NDUFA10: variants seen among roughly 807,000 people sequenced by gnomAD.
NDUFA10 encodes the protein NADH:ubiquinone oxidoreductase subunit A10, also known as NADH dehydrogenase [ubiquinone] 1 alpha subcomplex subunit 10, mitochondrial.
Under a neutral mutation model 47.8 loss-of-function variants are expected in NDUFA10, and 40 were observed. The ratio of observed to expected loss-of-function variants is 0.84; its 90% CI spans 0.65 to 1.09. NDUFA10 has a LOEUF of 1.09. NDUFA10 is among the 50% of genes least tolerant of loss of function. NDUFA10 has a pLI of 0.00. For missense variants in NDUFA10, 413 were observed against 451.1 expected (o/e 0.92, Z 0.76); for synonymous variants, 183 against 172.2 (o/e 1.06, Z -0.49).
In NDUFA10 at chr2:239,978,719, C is replaced by A. The variant is rs542752055; in HGVS notation, c.999+11355G>T. ...ATTTAATTAAATGTTATGAAAACTA[C>A]GCGTCTGAAAAGGAAGAGCTGCTGT... On this transcript the variant is annotated intron_variant, in intron 9 of 9. Coordinates refer to ENST00000252711, the MANE Select transcript of NDUFA10 (RefSeq NM_004544.4). Among the ~76,000 whole-genome samples, 14 of 152,264 alleles carry A rather than the reference C, an allele frequency of 9.2e-5. No individual in the cohort carries two copies. The South Asian group carries it at 2.9e-3, about 32-fold the overall frequency.
At chr2:239,969,338 C>T (rs1159499947) in intron 9 of NDUFA10, 2 of 172,282 alleles carry the variant, frequency 1.2e-5, no homozygotes, top group Non-Finnish European at 2.5e-5. Context: ...TCCTAAAACA[C>T]AATTCTATTG....
intron 4 of NDUFA10, among the ~76,000 whole-genome samples, chr2:239,943,382 T>C (rs1294344179): frequency 6.6e-6 from 1 of 152,212 alleles, no homozygotes; most frequent in Non-Finnish European, 1.5e-5. Context: ...ACAGGCTGGA[T>C]GGAGTGCAGT....
chr2:239,971,703 G>A (rs1695311928), intron 9 of NDUFA10, among the ~76,000 whole-genome samples: 1 of 152,146 alleles, frequency 6.6e-6, no homozygotes, highest in South Asian at 2.1e-4. Flanking sequence ...GCTGAAAGTG[G>A]AGCCCCGATC....
chr2:239,981,030 G>T (rs1280664820), intron 9 of NDUFA10, among the ~76,000 whole-genome samples: 1 of 152,228 alleles, frequency 6.6e-6, no homozygotes, highest in East Asian at 1.9e-4. Flanking sequence ...AGCAACAAAG[G>T]TGCCATCAAT....
intron 4 of NDUFA10, among the ~76,000 whole-genome samples, chr2:239,913,674 T>C (rs889180163): frequency 6.6e-6 from 1 of 152,228 alleles, no homozygotes; most frequent in Admixed American, 6.5e-5. Context: ...CTCCTGTTGC[T>C]GTAACACTAC....
chr2:239,949,972 C>T (rs1181205311), intron 4 of NDUFA10, among the ~76,000 whole-genome samples: 1 of 152,180 alleles, frequency 6.6e-6, no homozygotes, highest in Non-Finnish European at 1.5e-5. Flanking sequence ...TGAACCTGGA[C>T]TCACCACATT....
At chr2:240,002,170 A>T (rs2106464954) in intron 8 of NDUFA10, among the ~76,000 whole-genome samples, 1 of 152,164 alleles carries the variant, frequency 6.6e-6, no homozygotes, top group Admixed American at 6.5e-5. Context: ...TCTCTACTAA[A>T]AATACAAAAA....
chr2:239,953,034 G>A (rs1473892362), downstream of NDUFA10, among the ~76,000 whole-genome samples: 1 of 152,218 alleles, frequency 6.6e-6, no homozygotes, highest in Non-Finnish European at 1.5e-5. Flanking sequence ...CCCAAGGTGG[G>A]GACTGTGGTG....
At chr2:239,963,478 C>G (rs187102687) in intron 9 of NDUFA10, among the ~76,000 whole-genome samples, 6 of 152,172 alleles carry the variant, frequency 3.9e-5, no homozygotes, top group African/African-American at 1.4e-4. Context: ...CTGTGTCAGA[C>G]GGGCTGTAGG....
chr2:239,947,739 C>G (rs759807655), intron 4 of NDUFA10, among the ~76,000 whole-genome samples: 45 of 152,224 alleles, frequency 3.0e-4, no homozygotes, highest in Admixed American at 1.3e-4. Context: ...CAGGCCAGCC[C>G]AGCTCTTGTT....
Position 239,905,826 on chromosome 2 carries a change from G to C in NDUFA10, c.295-10512C>G, listed in dbSNP as rs572527865. Among the ~76,000 whole-genome samples the C allele has an allele frequency of 3.7e-3, 454 of 123,000 alleles. 2 individuals are homozygous for C. The highest frequency in any genetic ancestry group is 6.2e-3 in the Non-Finnish European group (355 of 57,566). The allele number at this position is 123,000 out of a possible 152,430, so 80.7% of individuals were successfully genotyped here. A position where few individuals can be genotyped will look rare whatever the true frequency, so the allele number is the denominator to read the frequency against. On this transcript the variant is annotated intron_variant, in intron 4 of 5. Transcript: ENST00000419408. ...GAGGGGAGGGGAAGGGAGGGGAGCAGACTGGGAGGGGAGGGGAGGGGAGGG... is the reference window on the plus strand; with the variant it reads ...GAGGGGAGGGGAAGGGAGGGGAGCACACTGGGAGGGGAGGGGAGGGGAGGG...
chr2:240,021,339 G>T lies in NDUFA10; in HGVS notation c.318C>A (p.Thr106=). 1.2e-6 allele frequency: 2 copies of T among 1,614,160 alleles called. No homozygotes were observed. The highest frequency in any genetic ancestry group is 1.1e-5 in the South Asian group (1 of 91,082). ...CCAAACTACAGTTGCCATTATAGTC[G>T]GTGGCGAGGGGCTTCCCATCTCCTG... ...STTGDGKPLA[T]DYNGNCSLEK... The change falls in exon 3 of 10, where the codon ACC becomes ACA. Residue 106 remains threonine (T), a synonymous_variant. Coordinates refer to ENST00000252711, the MANE Select transcript of NDUFA10 (RefSeq NM_004544.4).
At chr2:239,951,321 C>T (rs1012504158) in intron 4 of NDUFA10, among the ~76,000 whole-genome samples, 2 of 152,232 alleles carry the variant, frequency 1.3e-5, no homozygotes, top group African/African-American at 4.8e-5. Context: ...CTGCGTCAGC[C>T]ACCCGTGGGT....
At chr2:239,907,411 CT>C (rs1185381785) in intron 4 of NDUFA10, among the ~76,000 whole-genome samples, 1 of 152,132 alleles carries the variant, frequency 6.6e-6, no homozygotes. Flanking sequence ...TCTAATTAAA[CT>C]AAAGAGCTTC....
chr2:239,912,669 C>A (rs1028105521), intron 4 of NDUFA10, among the ~76,000 whole-genome samples: 5 of 152,158 alleles, frequency 3.3e-5, no homozygotes, highest in Non-Finnish European at 7.3e-5. Context: ...GAGTTGGGGC[C>A]CACAATGCTG....
rs1211805800 is a variant in NDUFA10, at chr2:239,961,071, G to A, written c.*47C>T. 6.2e-7 allele frequency: 1 copy of A among 1,613,270 alleles called. No individual in the cohort carries two copies. The highest frequency in any genetic ancestry group is 8.5e-7 in the Non-Finnish European group (1 of 1,179,786). The stretch of plus-strand genomic sequence containing the variant: ...TGGCGTCCAGGAGAGTGCGGCTGAT[G>A]CAGCTTGGCCATCACTGTGATGCAG... On this transcript the variant is annotated 3_prime_UTR_variant, in exon 10 of 10. Coordinates refer to ENST00000252711, the MANE Select transcript of NDUFA10 (RefSeq NM_004544.4).
chr2:239,947,899 C>T (rs1213878866), intron 4 of NDUFA10, among the ~76,000 whole-genome samples: 1 of 152,210 alleles, frequency 6.6e-6, no homozygotes. Flanking sequence ...ACGGCCACAG[C>T]TGAACATTAA....
At chr2:239,964,201 C>T (rs954821982) in intron 9 of NDUFA10, among the ~76,000 whole-genome samples, 3 of 152,146 alleles carry the variant, frequency 2.0e-5, no homozygotes, top group African/African-American at 4.8e-5. Context: ...AGGGCCTCTG[C>T]AGCAGGAGAC....
In NDUFA10 at chr2:239,943,102, A is replaced by G. The variant is rs141479493; in HGVS notation, c.294+46972T>C. ...TGGTCTCAGGCCATGCCCACAGGCC[A>G]ACGCATCCCTGGAGCCTCCACTTCT... On this transcript the variant is annotated intron_variant, in intron 4 of 5. Coordinates refer to the NDUFA10 transcript ENST00000419408. 2.7e-3 allele frequency: 414 copies of G among 154,570 alleles called. 1 individual carries two copies. Among genetic ancestry groups the G allele is most frequent in the African/African-American group, 6.3e-3 (264 of 41,650 alleles). 9.6% of individuals were successfully genotyped at this position (154,570 alleles called of 1,614,324 possible). A position where few individuals can be genotyped will look rare whatever the true frequency, so the allele number is the denominator to read the frequency against.
Sources: gnomAD v4.1 joint callset for allele counts (sites outside exome capture counted in the v4.1 genomes callset) on GRCh38, gnomAD v4.1.1 for gene constraint, MANE v1.5 for transcripts, NCBI Gene and HGNC (gene_info 2026-07-23, HGNC 2026-07-21) for gene names.